Variants in FGR observed in about 807,000 individuals in gnomAD.
FGR encodes the protein tyrosine-protein kinase Fgr.
In FGR, 26 loss-of-function variants were observed where a neutral mutation model predicts 63.2. The ratio of observed to expected loss-of-function variants is 0.41; its 90% CI spans 0.30 to 0.57. The LOEUF (loss-of-function observed/expected upper bound fraction) is 0.57, where lower values mean the gene tolerates loss of function less well. Among genes scored for constraint, FGR ranks in the 20% least tolerant of loss-of-function variants. The probability of loss-of-function intolerance (pLI) is 0.27; values close to 1 mark genes in which losing one functional copy is unlikely to be tolerated. For synonymous variants in FGR, 286 were observed against 277.7 expected (o/e 1.03, Z -0.30); for missense variants, 511 against 690.8 (o/e 0.74, Z 2.92).
rs769922249 is a variant in FGR, at chr1:27,631,836, T to C, written c.-77+3229A>G. On this transcript the variant is annotated intron_variant, in intron 1 of 12. Transcript: ENST00000374005. ...TTTCATCAAAAGGGAACCGGGACTT[T>C]GGGCAGGGGCAGGAAACCACCATCC... Among the ~76,000 whole-genome samples, 11 of 152,202 alleles carry C rather than the reference T, an allele frequency of 7.2e-5. No individual in the cohort carries two copies. In the South Asian group the frequency reaches 8.3e-4, roughly 11 times the overall value.
intron 5 of FGR, among the ~76,000 whole-genome samples, chr1:27,619,250 G>A (rs2089875490): frequency 6.6e-6 from 1 of 152,050 alleles, no homozygotes; most frequent in Admixed American, 6.5e-5. Flanking sequence ...GAGTGCAGTG[G>A]CTCGATCTCA....
chr1:27,633,541 C>G (rs184971551), intron 1 of FGR, among the ~76,000 whole-genome samples: 1 of 152,190 alleles, frequency 6.6e-6, no homozygotes, highest in Non-Finnish European at 1.5e-5. Flanking sequence ...CAGTGAGAGC[C>G]GGGCAGTCTG....
rs1467809110 is a variant in FGR, at chr1:27,612,631, T to A, written c.*283A>T. The A allele has an allele frequency of 2.0e-5, 8 of 402,126 alleles. No homozygotes were observed. The highest frequency in any genetic ancestry group is 3.6e-5 in the Non-Finnish European group (8 of 219,962). 24.9% of individuals were successfully genotyped at this position (402,126 alleles called of 1,614,324 possible). A position where few individuals can be genotyped will look rare whatever the true frequency, so the allele number is the denominator to read the frequency against. On this transcript the variant is annotated 3_prime_UTR_variant, in exon 13 of 13. Coordinates refer to ENST00000374005, the MANE Select transcript of FGR (RefSeq NM_005248.3). ...AATAACTAGACAAGGTCTGAGCACT[T>A]TGGGTGGGGATGGAGTGAGAAAGGC...
Position 27,612,790 on chromosome 1 carries a change from C to A in FGR, c.*124G>T. 1.1e-6 allele frequency: 1 copy of A among 889,476 alleles called. No homozygotes were observed. Among genetic ancestry groups the A allele is most frequent in the South Asian group, 1.7e-5 (1 of 58,494 alleles). 55.1% of individuals were successfully genotyped at this position (889,476 alleles called of 1,614,324 possible). On this transcript the variant is annotated 3_prime_UTR_variant, in exon 13 of 13. Coordinates refer to ENST00000374005, the MANE Select transcript of FGR (RefSeq NM_005248.3). Reference sequence around the variant, plus strand: ...GTTGCCCTAGGTGGTGTCAGAGCAGCCACGTCCTCGGTGATGCTAGGACTC... The same window carrying A: ...GTTGCCCTAGGTGGTGTCAGAGCAGACACGTCCTCGGTGATGCTAGGACTC...
rs1396478203 is a variant in FGR, at chr1:27,612,972, AAGGACTGCAGGT to A, written c.1520_1531del (p.Tyr507_Ser510del). 3 of 1,614,170 alleles carry A rather than the reference AAGGACTGCAGGT, an allele frequency of 1.9e-6. No individual in the cohort carries two copies. Among genetic ancestry groups the A allele is most frequent in the Non-Finnish European group, 2.5e-6 (3 of 1,180,014 alleles). On this transcript the variant is annotated inframe_deletion, in exon 13 of 13. Coordinates refer to ENST00000374005, the MANE Select transcript of FGR (RefSeq NM_005248.3). The stretch of plus-strand genomic sequence containing the variant: ...AGCGGAGGTGAAGTAGTCCTCCAGG[AAGGACTGCAGGT>A]ACTCGAAGGTAGGCCTCTCCTCCGG...
At chr1:27,622,172 G>A (rs760201764) in intron 4 of FGR, among the ~76,000 whole-genome samples, 1 of 151,602 alleles carries the variant, frequency 6.6e-6, no homozygotes, top group African/African-American at 2.4e-5. Flanking sequence ...AATTAGCCAG[G>A]CTTGGTGGCT....
At position 27,614,472 on chromosome 1, in the gene FGR, A is replaced by G; in HGVS notation, c.1207T>C (p.Leu403=). Residue 403 remains leucine (L), a synonymous_variant, in exon 11 of 13, where the codon TTG becomes CTG. Transcript: ENST00000374005. The part of the protein sequence containing the change: ...RLACKIADFG[L]ARLIKDDEYN... ...TCATCGTCCTTGATGAGACGCGCCAAGCCAAAGTCTGCGATCTTGCACGCC... is the reference window on the plus strand; with the variant it reads ...TCATCGTCCTTGATGAGACGCGCCAGGCCAAAGTCTGCGATCTTGCACGCC... 4.3e-6 allele frequency: 7 copies of G among 1,613,796 alleles called. No individual in the cohort carries two copies. The highest frequency in any genetic ancestry group is 5.9e-6 in the Non-Finnish European group (7 of 1,179,870).
At chr1:27,613,633 G>C (rs981809821) in intron 11 of FGR, among the ~76,000 whole-genome samples, 2 of 148,308 alleles carry the variant, frequency 1.3e-5, no homozygotes, top group Admixed American at 1.4e-4. Flanking sequence ...AACCTGGGAG[G>C]CTTCAATAAC....
chr1:27,633,320 AG>A (rs1054778613), intron 1 of FGR, among the ~76,000 whole-genome samples: 1 of 152,138 alleles, frequency 6.6e-6, no homozygotes, highest in African/African-American at 2.4e-5. Flanking sequence ...AAGTGGGAAC[AG>A]GGTCCTGCTC....
At chr1:27,632,506 T>C (rs1156506365) in intron 1 of FGR, among the ~76,000 whole-genome samples, 1 of 152,100 alleles carries the variant, frequency 6.6e-6, no homozygotes, top group Non-Finnish European at 1.5e-5. Flanking sequence ...GAAGAAGACA[T>C]ACCCACCCAA....
chr1:27,619,198 T>A (rs1175730189), intron 5 of FGR, among the ~76,000 whole-genome samples: 1 of 152,182 alleles, frequency 6.6e-6, no homozygotes, highest in East Asian at 1.9e-4. Flanking sequence ...TTTAATTAAT[T>A]AATTTTTTTT....
intron 1 of FGR, among the ~76,000 whole-genome samples, chr1:27,628,560 T>C (rs557096725): frequency 2.4e-4 from 29 of 118,964 alleles, no homozygotes; most frequent in East Asian, 9.0e-4. Context: ...CACACACAGA[T>C]ATACACAGCC....
chr1:27,621,012 A>G (rs958072820), intron 5 of FGR, among the ~76,000 whole-genome samples: 1 of 149,562 alleles, frequency 6.7e-6, no homozygotes, highest in Non-Finnish European at 1.5e-5. Flanking sequence ...AAAAAAAAAA[A>G]AAAAAAAGAA....
intron 2 of FGR, among the ~76,000 whole-genome samples, chr1:27,624,773 CTGTG>C (rs992706319): frequency 4.6e-5 from 7 of 151,872 alleles, no homozygotes; most frequent in Admixed American, 1.3e-4. Context: ...GCACCTATCT[CTGTG>C]TGGGAGCAGT....
intron 4 of FGR, among the ~76,000 whole-genome samples, chr1:27,622,345 TC>T (rs1333383182): frequency 6.7e-6 from 1 of 148,896 alleles, no homozygotes; most frequent in African/African-American, 2.5e-5. Flanking sequence ...CTCTCTAGCC[TC>T]TGTTCTCTCC....
At position 27,625,109 on chromosome 1, in the gene FGR, G is replaced by T. The variant is rs575811211; in HGVS notation, c.-34C>A. ...CTCACCCCTTAGGCCCCTACTCCTG[G>T]GTCAGTGGGGCTGCGGCATGATCCT... On this transcript the variant is annotated 5_prime_UTR_variant, in exon 2 of 13. Coordinates refer to ENST00000374005, the MANE Select transcript of FGR (RefSeq NM_005248.3). The T allele has an allele frequency of 6.5e-6, 1 of 152,710 alleles. No individual in the cohort carries two copies. Among genetic ancestry groups the T allele is most frequent in the East Asian group, 1.9e-4 (1 of 5,180 alleles). The allele number at this position is 152,710 out of a possible 1,614,324, so 9.5% of individuals were successfully genotyped here.
chr1:27,624,128 C>G, intron 2 of FGR, 199 bp from the exon 3 acceptor site: 1 of 523,010 alleles, frequency 1.9e-6, no homozygotes, highest in Non-Finnish European at 3.4e-6. Context: ...AGTATGTCCC[C>G]CCTCAGTGCT....
chr1:27,621,380 C>T (rs1363210731), intron 5 of FGR, among the ~76,000 whole-genome samples, 179 bp downstream of exon 5: 1 of 152,184 alleles, frequency 6.6e-6, no homozygotes. Flanking sequence ...AGTACATGCT[C>T]TATTATCTAC....
chr1:27,621,169 G>A (rs1037467170), intron 5 of FGR, among the ~76,000 whole-genome samples: 4 of 152,022 alleles, frequency 2.6e-5, no homozygotes, highest in African/African-American at 4.8e-5. Context: ...TGTTTTTACT[G>A]GGAGGCAATA....
Sources: allele counts gnomAD v4.1 joint callset (sites outside exome capture counted in the v4.1 genomes callset), GRCh38; gene constraint gnomAD v4.1.1; transcripts MANE v1.5; gene names NCBI Gene and HGNC (gene_info 2026-07-23, HGNC 2026-07-21).